Variants in UBE2W observed in about 807,000 individuals in gnomAD.
The protein encoded by UBE2W is ubiquitin conjugating enzyme E2 W, also known as ubiquitin-conjugating enzyme E2 W.
In UBE2W, 18 loss-of-function variants were observed where a neutral mutation model predicts 27.2. The observed-to-expected ratio is 0.66, with a 90% CI of 0.46 to 0.98. The LOEUF is 0.98. UBE2W is among the 50% of genes least tolerant of loss of function. The pLI, the probability that UBE2W is intolerant of heterozygous loss-of-function variation, is 0.00. For missense variants in UBE2W, 90 were observed against 180.2 expected, an observed-to-expected ratio of 0.50 and a Z score of 2.87; for synonymous variants, 53 against 57.2, an observed-to-expected ratio of 0.93 and a Z score of 0.33.
intron 5 of UBE2W, among the ~76,000 whole-genome samples, chr8:73,794,925 G>A (rs1341833085): frequency 1.3e-5 from 2 of 150,638 alleles, no homozygotes; most frequent in African/African-American, 2.4e-5. Context: ...ATGCAAATGG[G>A]GTCATTAAAA....
intron 1 of UBE2W, among the ~76,000 whole-genome samples, chr8:73,866,290 AATATATATAT>A (rs71269958): frequency 7.2e-4 from 31 of 43,086 alleles, no homozygotes; most frequent in African/African-American, 3.1e-3. Context: ...AAAAAAAAAA[AATATATATAT>A]ATATATATAT....
chr8:73,844,838 C>A (rs1369821843), intron 1 of UBE2W, among the ~76,000 whole-genome samples: 4 of 151,812 alleles, frequency 2.6e-5, no homozygotes, highest in African/African-American at 9.7e-5. Context: ...GCACCGCCGC[C>A]ACCCCGTCTG....
intron 4 of UBE2W, chr8:73,780,520 GA>G (rs768457473): frequency 4.5e-5 from 20 of 447,616 alleles, no homozygotes; most frequent in Middle Eastern, 3.4e-4. Flanking sequence ...TTTCAGTTCT[GA>G]AAAAAAAATT....
intron 3 of UBE2W, among the ~76,000 whole-genome samples, chr8:73,820,026 C>T (rs192479959): frequency 3.6e-4 from 55 of 152,312 alleles, no homozygotes; most frequent in African/African-American, 1.3e-3. Context: ...GTTGCCCAGG[C>T]TGGTCCCAAA....
chr8:73,834,375 C>T (rs1178621045), intron 1 of UBE2W, among the ~76,000 whole-genome samples: 1 of 152,160 alleles, frequency 6.6e-6, no homozygotes, highest in Non-Finnish European at 1.5e-5. Context: ...TCTGTGATCA[C>T]GTACATTTTT....
intron 2 of UBE2W, among the ~76,000 whole-genome samples, chr8:73,830,127 CAGTT>C (rs1390135080): frequency 4.0e-5 from 6 of 151,324 alleles, no homozygotes; most frequent in East Asian, 2.0e-4. Flanking sequence ...CAGTGCTACT[CAGTT>C]AAACAAAATT....
At chr8:73,818,514 A>T (rs571782684) in intron 3 of UBE2W, among the ~76,000 whole-genome samples, 3 of 152,304 alleles carry the variant, frequency 2.0e-5, no homozygotes, top group Admixed American at 6.5e-5. Flanking sequence ...AAGAGTAAAA[A>T]GTCAAAATTC....
chr8:73,822,631 A>AAAAAAAAAT (rs1563593366), intron 3 of UBE2W, among the ~76,000 whole-genome samples: 6 of 141,694 alleles, frequency 4.2e-5, no homozygotes, highest in Middle Eastern at 3.5e-3. Flanking sequence ...AAAAAAAAAA[A>AAAAAAAAAT]AAATTAGCTG....
chr8:73,805,454 C>CAAAAAAAAAACAAAAACAAAAAAAA (rs1808835390), intron 5 of UBE2W, among the ~76,000 whole-genome samples, 197 bp downstream of exon 5: 1 of 14,580 alleles, frequency 6.9e-5, no homozygotes, highest in Non-Finnish European at 1.3e-4. Flanking sequence ...AACTCCATCT[C>CAAAAAAAAAACAAAAACAAAAAAAA]AAAAAAAAAA....
At chr8:73,844,675 C>A (rs1394614097) in intron 1 of UBE2W, among the ~76,000 whole-genome samples, 1 of 151,228 alleles carries the variant, frequency 6.6e-6, no homozygotes, top group East Asian at 2.0e-4. Flanking sequence ...CGCCTCTTCC[C>A]GGCCGTCATC....
At chr8:73,866,787 T>A (rs997421466) in intron 1 of UBE2W, among the ~76,000 whole-genome samples, 1 of 152,032 alleles carries the variant, frequency 6.6e-6, no homozygotes, top group Middle Eastern at 3.4e-3. Flanking sequence ...CGGTGGCTCA[T>A]GCCTGTAATC....
Position 73,805,472 on chromosome 8 carries a change from C to CAAACAAAAAAAA in UBE2W, c.442+178_442+179insTTTTTTTTGTTT, listed in dbSNP as rs1254739442. ...TCCATCTCAAAAAAAAAAAAAAAAA[C>CAAACAAAAAAAA]AAAAAAAACTAGGGTAATTCATCCA... On this transcript the variant is annotated intron_variant, in intron 5 of 5. Transcript: ENST00000602593. Among the ~76,000 whole-genome samples, 54 of 43,690 alleles carry CAAACAAAAAAAA rather than the reference C, an allele frequency of 1.2e-3. 1 individual carries two copies. The highest frequency in any genetic ancestry group is 1.9e-3 in the Non-Finnish European group (39 of 20,118). 28.7% of individuals were successfully genotyped at this position (43,690 alleles called of 152,430 possible). A position where few individuals can be genotyped will look rare whatever the true frequency, so the allele number is the denominator to read the frequency against.
At position 73,790,000 on chromosome 8, in the gene UBE2W, C is replaced by T. The variant is rs1044429038; in HGVS notation, c.*4102G>A. ...TTTCCTTAATATTAGTACTAAAGAACTAATTACAGCTAACAGCTCATTTAC... is the reference window on the plus strand; with the variant it reads ...TTTCCTTAATATTAGTACTAAAGAATTAATTACAGCTAACAGCTCATTTAC... On this transcript the variant is annotated 3_prime_UTR_variant, in exon 6 of 6. Coordinates refer to ENST00000602593, the MANE Select transcript of UBE2W (RefSeq NM_018299.6). The T allele has an allele frequency of 1.6e-5, 16 of 984,932 alleles. No individual in the cohort carries two copies. Among genetic ancestry groups the T allele is most frequent in the Admixed American group, 6.2e-5 (1 of 16,230 alleles). 61.0% of individuals were successfully genotyped at this position (984,932 alleles called of 1,614,324 possible). A position where few individuals can be genotyped will look rare whatever the true frequency, so the allele number is the denominator to read the frequency against.
intron 5 of UBE2W, among the ~76,000 whole-genome samples, chr8:73,803,849 C>T (rs1410799147): frequency 3.3e-5 from 5 of 151,494 alleles, no homozygotes; most frequent in Non-Finnish European, 7.4e-5. Flanking sequence ...TCACTATGAG[C>T]TCCGCCTCCT....
intron 3 of UBE2W, among the ~76,000 whole-genome samples, chr8:73,811,104 A>G (rs1809132408): frequency 6.6e-6 from 1 of 152,172 alleles, no homozygotes; most frequent in Admixed American, 6.5e-5. Context: ...ACATGTGCAA[A>G]GGGAAATGAC....
Position 73,878,823 on chromosome 8 carries a change from G to T in UBE2W, c.-1C>A. 1 of 1,550,980 alleles carries T rather than the reference G, an allele frequency of 6.4e-7. No homozygotes were observed. The highest frequency in any genetic ancestry group is 8.7e-7 in the Non-Finnish European group (1 of 1,146,618). ...CTCCTCTCACCTGCATTGACGCCAT[G>T]ATGGAACCATCCCCCCAAGACCGGC... On this transcript the variant is annotated 5_prime_UTR_variant, in exon 1 of 6. Transcript: ENST00000602593.
At chr8:73,815,253 T>C (rs1020097404) in intron 3 of UBE2W, among the ~76,000 whole-genome samples, 2 of 152,118 alleles carry the variant, frequency 1.3e-5, no homozygotes, top group African/African-American at 4.8e-5. Flanking sequence ...CATGCTCCTG[T>C]AGTCCCAGCT....
intron 3 of UBE2W, among the ~76,000 whole-genome samples, chr8:73,822,914 C>T (rs1477281679): frequency 6.6e-6 from 1 of 152,104 alleles, no homozygotes; most frequent in Non-Finnish European, 1.5e-5. Context: ...CAAAAATAGA[C>T]AGGTGGACAG....
At chr8:73,862,258 G>A (rs1412559024) in intron 1 of UBE2W, among the ~76,000 whole-genome samples, 1 of 152,136 alleles carries the variant, frequency 6.6e-6, no homozygotes, top group African/African-American at 2.4e-5. Context: ...GTGAAACCCT[G>A]TCTCTATTAA....
Sources: allele counts gnomAD v4.1 joint callset (sites outside exome capture counted in the v4.1 genomes callset), GRCh38; gene constraint gnomAD v4.1.1; transcripts MANE v1.5; gene names NCBI Gene and HGNC (gene_info 2026-07-23, HGNC 2026-07-21).